Variants in ARHGAP26 observed in about 807,000 individuals in gnomAD.
The protein encoded by ARHGAP26 is rho GTPase-activating protein 26.
In ARHGAP26, 38 loss-of-function variants were observed where a neutral mutation model predicts 104.8. That is an observed-to-expected ratio of 0.36 (90% CI 0.28 to 0.48). The LOEUF (loss-of-function observed/expected upper bound fraction) is 0.48, where lower values mean the gene tolerates loss of function less well. ARHGAP26 is among the 20% of genes least tolerant of loss of function. The probability of loss-of-function intolerance (pLI) is 0.99; values close to 1 mark genes in which losing one functional copy is unlikely to be tolerated. For synonymous variants in ARHGAP26, 341 were observed against 340.0 expected, an observed-to-expected ratio of 1.00 and a Z score of -0.03; for missense variants, 704 against 947.9, an observed-to-expected ratio of 0.74 and a Z score of 3.38.
At chr5:143,094,823 A>T (rs1792064714) in intron 17 of ARHGAP26, among the ~76,000 whole-genome samples, 1 of 152,144 alleles carries the variant, frequency 6.6e-6, no homozygotes, top group South Asian at 2.1e-4. Flanking sequence ...AGGTAATCAG[A>T]ATGAGTCAGG....
intron 20 of ARHGAP26, among the ~76,000 whole-genome samples, chr5:143,159,672 A>G (rs891253208): frequency 1.3e-4 from 20 of 152,330 alleles, no homozygotes; most frequent in South Asian, 2.1e-4. Flanking sequence ...AAGCCTCCCA[A>G]GTGATTTTGA....
At chr5:143,030,707 G>T (rs1413574552) in intron 12 of ARHGAP26, among the ~76,000 whole-genome samples, 3 of 152,176 alleles carry the variant, frequency 2.0e-5, no homozygotes, top group Non-Finnish European at 4.4e-5. Flanking sequence ...ACTGCCCCTC[G>T]GCAACTCTCT....
At chr5:143,025,628 G>A (rs1316758490) in intron 12 of ARHGAP26, among the ~76,000 whole-genome samples, 1 of 152,226 alleles carries the variant, frequency 6.6e-6, no homozygotes, top group Non-Finnish European at 1.5e-5. Context: ...TTACTGCAGT[G>A]TGCATTAAGC....
chr5:142,784,243 C>T (rs1758090073), intron 1 of ARHGAP26, among the ~76,000 whole-genome samples: 1 of 152,220 alleles, frequency 6.6e-6, no homozygotes, highest in African/African-American at 2.4e-5. Context: ...AGCAGGGAAG[C>T]TCTGCTCCAT....
At chr5:143,044,825 A>G (rs1333759928) in intron 14 of ARHGAP26, among the ~76,000 whole-genome samples, 1 of 152,210 alleles carries the variant, frequency 6.6e-6, no homozygotes, top group East Asian at 1.9e-4. Flanking sequence ...GTTGTAATAG[A>G]TCAGGCAAGG....
rs72799069 is a variant in ARHGAP26 at position 142,859,339 on chromosome 5, G to A, written c.155-14061G>A. Among the ~76,000 whole-genome samples, 571 of 152,258 alleles carry A rather than the reference G, an allele frequency of 3.8e-3. 1 individual carries two copies. Among genetic ancestry groups the A allele is most frequent in the Non-Finnish European group, 6.8e-3 (460 of 68,020 alleles). ...AGGGTATTCCCGTGCCCAGGACTGG[G>A]TACTTAATCTGTGGGGCTCCTTTTC... is the stretch of plus-strand genomic sequence containing the variant. On this transcript the variant is annotated intron_variant, in intron 1 of 22. Transcript: ENST00000645722.
intron 12 of ARHGAP26, among the ~76,000 whole-genome samples, chr5:143,015,559 A>G (rs1162960253): frequency 1.3e-5 from 2 of 152,244 alleles, no homozygotes; most frequent in Non-Finnish European, 2.9e-5. Flanking sequence ...TGAGAGTTTC[A>G]AGACTGCTGC....
In ARHGAP26 at chr5:142,926,804, G is replaced by A. The variant is rs368085889; in HGVS notation, c.1029-5243G>A. Among the ~76,000 whole-genome samples, 11 of 152,088 alleles carry A rather than the reference G, an allele frequency of 7.2e-5. No homozygotes were observed. In the East Asian group the frequency reaches 9.6e-4, roughly 13 times the overall value. ...TATACACACCTGCCCTTCTGCAGCC[G>A]TAATTTTAACCTTACCCCATACTTA... is the stretch of plus-strand genomic sequence containing the variant. On this transcript the variant is annotated intron_variant, in intron 10 of 22. Coordinates refer to ENST00000645722, the MANE Select transcript of ARHGAP26 (RefSeq NM_001135608.3).
intron 12 of ARHGAP26, among the ~76,000 whole-genome samples, chr5:143,031,218 C>T (rs1171680386): frequency 3.3e-5 from 5 of 152,248 alleles, no homozygotes; most frequent in Non-Finnish European, 7.3e-5. Context: ...GGCCCCGTCA[C>T]ACACAGCTTT....
intron 11 of ARHGAP26, among the ~76,000 whole-genome samples, chr5:142,941,074 CA>C (rs1162903888): frequency 3.7e-3 from 101 of 27,236 alleles, no homozygotes; most frequent in Admixed American, 5.3e-3. Flanking sequence ...GACTCCATCT[CA>C]AAAAAAAAAA....
At chr5:142,876,422 C>T (rs1756102863) in intron 3 of ARHGAP26, among the ~76,000 whole-genome samples, 1 of 152,062 alleles carries the variant, frequency 6.6e-6, no homozygotes, top group Non-Finnish European at 1.5e-5. Context: ...ACAGATCACA[C>T]AGTTAATAAG....
At chr5:142,975,475 T>A (rs1242615910) in intron 11 of ARHGAP26, among the ~76,000 whole-genome samples, 1 of 151,944 alleles carries the variant, frequency 6.6e-6, no homozygotes, top group Non-Finnish European at 1.5e-5. Flanking sequence ...CTAATAGTTT[T>A]AAAACCATCA....
chr5:143,168,904 A>G (rs1802407279), intron 20 of ARHGAP26: 1 of 152,190 alleles, frequency 6.6e-6, no homozygotes, highest in Non-Finnish European at 1.5e-5. Flanking sequence ...ACTATGCTAA[A>G]CCTGCTAAAG....
chr5:143,020,383 A>T (rs1780151592), intron 12 of ARHGAP26, among the ~76,000 whole-genome samples: 1 of 152,172 alleles, frequency 6.6e-6, no homozygotes, highest in Non-Finnish European at 1.5e-5. Flanking sequence ...ACCACAGGGG[A>T]ACAATAGACA....
intron 1 of ARHGAP26, among the ~76,000 whole-genome samples, chr5:142,845,562 G>A (rs528538316): frequency 2.0e-5 from 3 of 152,294 alleles, no homozygotes; most frequent in African/African-American, 7.2e-5. Flanking sequence ...TCTTTGTTAT[G>A]TGCTCTAGGT....
At chr5:143,058,233 C>T (rs994501316) in intron 17 of ARHGAP26, 1 of 364,334 alleles carries the variant, frequency 2.7e-6, no homozygotes, top group Non-Finnish European at 5.2e-6. Context: ...CCTTAGTTTC[C>T]CCATCTGTCT....
At chr5:142,834,113 C>T (rs1769074281) in intron 1 of ARHGAP26, among the ~76,000 whole-genome samples, 1 of 152,150 alleles carries the variant, frequency 6.6e-6, no homozygotes, top group African/African-American at 2.4e-5. Flanking sequence ...GCCACATACC[C>T]CTATTTCTCA....
At chr5:142,865,026 T>C (rs563316672) in intron 1 of ARHGAP26, among the ~76,000 whole-genome samples, 9 of 152,380 alleles carry the variant, frequency 5.9e-5, no homozygotes, top group Non-Finnish European at 1.0e-4. Context: ...AATGGGTTTC[T>C]TTGTTTTCAT....
chr5:142,849,663 C>G (rs1314415683), intron 1 of ARHGAP26, among the ~76,000 whole-genome samples: 3 of 152,178 alleles, frequency 2.0e-5, no homozygotes, highest in African/African-American at 7.2e-5. Context: ...TCTGCCACCA[C>G]CCACATGAAC....
Sources: allele counts gnomAD v4.1 joint callset (sites outside exome capture counted in the v4.1 genomes callset), GRCh38; gene constraint gnomAD v4.1.1; transcripts MANE v1.5; gene names NCBI Gene and HGNC (gene_info 2026-07-23, HGNC 2026-07-21).